The following TSPAN7 variants were observed in gnomAD, a reference collection of about 807,000 sequenced individuals.
The protein encoded by TSPAN7 is tetraspanin 7, also known as tetraspanin-7.
TSPAN7 carries 1 observed loss-of-function variant against 17.6 expected under a neutral mutation model. That is an observed-to-expected ratio of 0.06 (90% CI 0.02 to 0.27). The LOEUF (loss-of-function observed/expected upper bound fraction) is 0.27, where lower values mean the gene tolerates loss of function less well. Ranked by LOEUF, TSPAN7 falls within the 10% of genes least tolerant of loss-of-function variation. The pLI is 1.00. For synonymous variants in TSPAN7, 78 were observed against 79.0 expected (o/e 0.99, Z 0.07); for missense variants, 112 against 201.7 (o/e 0.56, Z 2.69).
intron 1 of TSPAN7, among the ~76,000 whole-genome samples, chrX:38,620,246 C>T (rs893275934): frequency 6.3e-5 from 7 of 111,990 alleles, no homozygotes; most frequent in African/African-American, 2.3e-4. Context: ...CAGGAAAATC[C>T]TCTTTGTGGA....
chrX:38,650,193 G>A (rs1460123214), intron 1 of TSPAN7, among the ~76,000 whole-genome samples: 1 of 112,081 alleles, frequency 8.9e-6, no homozygotes. Context: ...AGCGGCTTGT[G>A]CTTCCCTACA....
chrX:38,681,091 A>G (rs752373719), intron 5 of TSPAN7, 113 bp from the exon 6 acceptor site: 3 of 593,601 alleles, frequency 5.1e-6, no homozygotes, highest in African/African-American at 4.4e-5. Context: ...GTGAGTTGCA[A>G]TTGTATTTGC....
At chrX:38,687,749 G>C in intron 7 of TSPAN7, 75 bp downstream of exon 7, 1 of 862,238 alleles carries the variant, frequency 1.2e-6, no homozygotes, top group Non-Finnish European at 1.6e-6. Flanking sequence ...ATGTGCAGGA[G>C]TACTCCCTGG....
intron 1 of TSPAN7, among the ~76,000 whole-genome samples, chrX:38,660,297 G>A (rs2069736463): frequency 9.0e-6 from 1 of 111,572 alleles, no homozygotes; most frequent in African/African-American, 3.3e-5. Context: ...AAATATAATG[G>A]ATGCACACTG....
chrX:38,666,723 C>T lies in TSPAN7; in HGVS notation c.270+414C>T, dbSNP rs930137820. On this transcript the variant is annotated intron_variant, in intron 2 of 7. Transcript: ENST00000378482. ...ATGCCATTCTCCTGCCTCAGCCTCCCAAGTAGCTGGGACTACAGGCGCCCG... is the reference window on the plus strand; with the variant it reads ...ATGCCATTCTCCTGCCTCAGCCTCCTAAGTAGCTGGGACTACAGGCGCCCG... 6.3e-4 allele frequency among the ~76,000 whole-genome samples: 69 copies of T among 110,327 alleles called. 1 individual carries two copies. Among genetic ancestry groups the T allele is most frequent in the Non-Finnish European group, 1.1e-3 (57 of 52,706 alleles).
At chrX:38,596,201 G>A (rs1346701934) in intron 1 of TSPAN7, among the ~76,000 whole-genome samples, 1 of 111,298 alleles carries the variant, frequency 9.0e-6, no homozygotes, top group African/African-American at 3.3e-5. Context: ...GTGGTACTTT[G>A]CCCACTTGTG....
At chrX:38,653,723 A>G (rs1022950245) in intron 1 of TSPAN7, among the ~76,000 whole-genome samples, 1 of 112,371 alleles carries the variant, frequency 8.9e-6, no homozygotes, top group Non-Finnish European at 1.9e-5. Context: ...TTTCATTTCT[A>G]TAGATTTACC....
At chrX:38,624,760 T>C (rs1207909567) in intron 1 of TSPAN7, among the ~76,000 whole-genome samples, 1 of 113,000 alleles carries the variant, frequency 8.8e-6, no homozygotes, top group Non-Finnish European at 1.9e-5. Context: ...AAAGTGGTAG[T>C]TCTCAAACTT....
chrX:38,636,032 C>T (rs1457374187), intron 1 of TSPAN7, among the ~76,000 whole-genome samples: 2 of 109,980 alleles, frequency 1.8e-5, no homozygotes, highest in African/African-American at 3.3e-5. Flanking sequence ...TTTGTAGCCC[C>T]ATTAATTTTA....
At chrX:38,565,823 G>A (rs1293088108) in intron 1 of TSPAN7, among the ~76,000 whole-genome samples, 1 of 111,689 alleles carries the variant, frequency 9.0e-6, no homozygotes, top group African/African-American at 3.3e-5. Context: ...CTAAAGTGGT[G>A]GTTCTCAAAA....
intron 1 of TSPAN7, among the ~76,000 whole-genome samples, chrX:38,585,648 A>T (rs993819165): frequency 8.9e-6 from 1 of 112,032 alleles, no homozygotes; most frequent in African/African-American, 3.2e-5. Flanking sequence ...TCCAAGCTTC[A>T]TGTTGAATAT....
At chrX:38,609,036 T>G (rs1460385212) in intron 1 of TSPAN7, among the ~76,000 whole-genome samples, 1 of 109,137 alleles carries the variant, frequency 9.2e-6, no homozygotes, top group East Asian at 2.8e-4. Flanking sequence ...TTCCTAAGGA[T>G]AAATCCGTGT....
chrX:38,630,284 A>T (rs2069543017), intron 1 of TSPAN7, among the ~76,000 whole-genome samples: 1 of 112,203 alleles, frequency 8.9e-6, no homozygotes, highest in Admixed American at 9.4e-5. Flanking sequence ...TATATAATGG[A>T]TATATTGCTC....
chrX:38,574,657 A>G (rs1254835389), intron 1 of TSPAN7, among the ~76,000 whole-genome samples: 1 of 111,331 alleles, frequency 9.0e-6, no homozygotes, highest in Non-Finnish European at 1.9e-5. Flanking sequence ...TTTTTAATGT[A>G]TTTCCCAATA....
intron 1 of TSPAN7, among the ~76,000 whole-genome samples, chrX:38,594,536 C>T (rs2069308727): frequency 9.0e-6 from 1 of 111,478 alleles, no homozygotes; most frequent in Admixed American, 9.6e-5. Context: ...ATCCCTTTCT[C>T]TATTGCCTTA....
intron 1 of TSPAN7, among the ~76,000 whole-genome samples, chrX:38,585,620 G>C (rs750832178): frequency 8.9e-6 from 1 of 111,795 alleles, no homozygotes; most frequent in South Asian, 3.7e-4. Flanking sequence ...ATGTGATATA[G>C]TTTGGAGATT....
intron 1 of TSPAN7, among the ~76,000 whole-genome samples, chrX:38,663,326 C>G (rs2069761222): frequency 2.7e-5 from 3 of 112,061 alleles, no homozygotes; most frequent in African/African-American, 9.7e-5. Context: ...CGTATGTTCT[C>G]ACTCATAAGT....
chrX:38,643,645 G>A (rs1218601002), intron 1 of TSPAN7, among the ~76,000 whole-genome samples: 1 of 96,617 alleles, frequency 1.0e-5, no homozygotes, highest in Non-Finnish European at 2.0e-5. Flanking sequence ...GACCATCCTG[G>A]CTAACACAAT....
chrX:38,617,000 T>C (rs2069459441), intron 1 of TSPAN7, among the ~76,000 whole-genome samples: 1 of 112,049 alleles, frequency 8.9e-6, no homozygotes, highest in Admixed American at 9.4e-5. Flanking sequence ...AATTTTTCTT[T>C]AAAGGACCAG....
Sources: allele counts gnomAD v4.1 joint callset (sites outside exome capture counted in the v4.1 genomes callset), GRCh38; gene constraint gnomAD v4.1.1; transcripts MANE v1.5; gene names NCBI Gene and HGNC (gene_info 2026-07-23, HGNC 2026-07-21).